Variants in IL1RAPL1 observed in about 807,000 individuals in gnomAD.
IL1RAPL1 encodes the protein interleukin 1 receptor accessory protein like 1, also known as interleukin-1 receptor accessory protein-like 1.
In IL1RAPL1, 3 loss-of-function variants were observed where a neutral mutation model predicts 48.4. The observed-to-expected ratio is 0.06, with a 90% CI of 0.03 to 0.16. The LOEUF (loss-of-function observed/expected upper bound fraction) is 0.16, where lower values mean the gene tolerates loss of function less well. IL1RAPL1 is among the 10% of genes least tolerant of loss of function. IL1RAPL1 has a pLI of 1.00. For missense variants in IL1RAPL1, 349 were observed against 530.6 expected (o/e 0.66, Z 3.36); for synonymous variants, 185 against 187.7 (o/e 0.99, Z 0.12).
At chrX:29,545,884 T>C (rs1354004231) in intron 5 of IL1RAPL1, among the ~76,000 whole-genome samples, 1 of 112,260 alleles carries the variant, frequency 8.9e-6, no homozygotes, top group Non-Finnish European at 1.9e-5. Flanking sequence ...TTAATGTTAC[T>C]TACAGGATAA....
chrX:28,893,177 G>A (rs1922817919), intron 2 of IL1RAPL1, among the ~76,000 whole-genome samples: 1 of 111,336 alleles, frequency 9.0e-6, no homozygotes, highest in African/African-American at 3.3e-5. Context: ...TGAGACTGGG[G>A]CCGAATAAAA....
chrX:28,856,257 C>T (rs1364754410), intron 2 of IL1RAPL1, among the ~76,000 whole-genome samples: 1 of 111,191 alleles, frequency 9.0e-6, no homozygotes, highest in African/African-American at 3.3e-5. Context: ...AGAGTTCTCC[C>T]GATAAACTTC....
At chrX:29,801,030 A>AC (rs1351442007) in intron 6 of IL1RAPL1, among the ~76,000 whole-genome samples, 461 of 13,953 alleles carry the variant, frequency 0.033, 31 homozygotes, top group South Asian at 0.12. Context: ...AAAAAAAAAA[A>AC]AAAACTCTCC....
At chrX:28,917,246 A>G (rs932796299) in intron 2 of IL1RAPL1, among the ~76,000 whole-genome samples, 5 of 111,900 alleles carry the variant, frequency 4.5e-5, no homozygotes, top group African/African-American at 1.6e-4. Flanking sequence ...TATCTTAAAA[A>G]AAGCTTCATA....
At chrX:29,232,475 A>C (rs2147558787) in intron 2 of IL1RAPL1, among the ~76,000 whole-genome samples, 1 of 112,327 alleles carries the variant, frequency 8.9e-6, no homozygotes, top group Admixed American at 9.5e-5. Context: ...ATACATTACT[A>C]TTTTTTATAT....
At chrX:29,029,880 A>G (rs983799126) in intron 2 of IL1RAPL1, among the ~76,000 whole-genome samples, 3 of 109,837 alleles carry the variant, frequency 2.7e-5, no homozygotes, top group African/African-American at 9.9e-5. Context: ...TGTCTTACAT[A>G]TCAATCTATG....
At chrX:29,688,816 C>CT (rs58920253) in intron 6 of IL1RAPL1, among the ~76,000 whole-genome samples, 37,658 of 94,984 alleles carry the variant, frequency 0.4, 5,963 homozygotes, top group South Asian at 0.5. Flanking sequence ...GCTTTGTGGT[C>CT]TTTTTTTTTT....
chrX:29,591,733 C>T (rs1923377892), intron 5 of IL1RAPL1, among the ~76,000 whole-genome samples: 1 of 112,551 alleles, frequency 8.9e-6, no homozygotes, highest in Admixed American at 9.4e-5. Context: ...TAAGGGTGAC[C>T]CTGTGCATCC....
intron 3 of IL1RAPL1, among the ~76,000 whole-genome samples, chrX:29,301,150 C>T (rs1363845141): frequency 5.4e-5 from 6 of 111,766 alleles, no homozygotes; most frequent in Non-Finnish European, 1.1e-4. Context: ...GTTTGTGGCT[C>T]TCCTGGTCTG....
chrX:28,671,625 C>T (rs891071478), intron 1 of IL1RAPL1, among the ~76,000 whole-genome samples: 1 of 111,846 alleles, frequency 8.9e-6, no homozygotes, highest in Non-Finnish European at 1.9e-5. Flanking sequence ...TTATTTTGGC[C>T]GGAGAGATTA....
At chrX:29,217,344 G>C (rs1202417551) in intron 2 of IL1RAPL1, among the ~76,000 whole-genome samples, 1 of 112,194 alleles carries the variant, frequency 8.9e-6, no homozygotes, top group African/African-American at 3.2e-5. Flanking sequence ...AATTCAAAAA[G>C]CCATTGTTAA....
chrX:28,961,459 C>T (rs183706104), intron 2 of IL1RAPL1, among the ~76,000 whole-genome samples: 231 of 111,120 alleles, frequency 2.1e-3, no homozygotes, highest in Non-Finnish European at 3.5e-3. Context: ...TTTTAAGCCC[C>T]GCATGCATTA....
chrX:29,574,706 A>G (rs1270761968), intron 5 of IL1RAPL1, among the ~76,000 whole-genome samples: 2 of 111,733 alleles, frequency 1.8e-5, no homozygotes, highest in Non-Finnish European at 3.8e-5. Context: ...CAACTTCTCC[A>G]AACTTTTACC....
chrX:29,128,871 T>G (rs1928954451), intron 2 of IL1RAPL1, among the ~76,000 whole-genome samples: 1 of 111,098 alleles, frequency 9.0e-6, no homozygotes, highest in African/African-American at 3.3e-5. Flanking sequence ...TGAACAATAA[T>G]GTTTAGTTTT....
chrX:28,794,687 C>A (rs1006787101), intron 2 of IL1RAPL1, among the ~76,000 whole-genome samples: 1 of 111,738 alleles, frequency 8.9e-6, no homozygotes, highest in Admixed American at 9.5e-5. Context: ...TTCTAGACAG[C>A]AAGAGGAAGG....
At chrX:28,819,967 GATATATATATATATATATATAT>G (rs764635166) in intron 2 of IL1RAPL1, among the ~76,000 whole-genome samples, 52 of 26,748 alleles carry the variant, frequency 1.9e-3, no homozygotes, top group East Asian at 0.011. Context: ...TAAACATAGT[GATATATATATATATATATATAT>G]ATATATATAT....
At chrX:28,616,551 A>C (rs1051473985) in intron 1 of IL1RAPL1, among the ~76,000 whole-genome samples, 1 of 109,513 alleles carries the variant, frequency 9.1e-6, no homozygotes, top group Non-Finnish European at 1.9e-5. Context: ...CTCCTGCCTC[A>C]GCCTCCCAAG....
chrX:28,853,497 A>G (rs6630782), intron 2 of IL1RAPL1, among the ~76,000 whole-genome samples: 3,512 of 103,292 alleles, frequency 0.034, 86 homozygotes, highest in African/African-American at 0.1. Flanking sequence ...GCGCGCGCAC[A>G]CACACACACA....
chrX:28,725,387 A>G lies in IL1RAPL1; in HGVS notation c.-24-63933A>G, dbSNP rs141727063. On this transcript the variant is annotated intron_variant, in intron 1 of 10. Transcript: ENST00000378993. ...TTTGACAAGAAAGGATAATTGCTGT[A>G]TATCTTTCTTATTGAGTATAATTTT... Among the ~76,000 whole-genome samples the G allele has an allele frequency of 3.5e-3, 397 of 112,285 alleles. 2 individuals carry two copies. Among genetic ancestry groups the G allele is most frequent in the African/African-American group, 0.012 (379 of 30,946 alleles).
Sources: gnomAD v4.1 joint callset for allele counts (sites outside exome capture counted in the v4.1 genomes callset) on GRCh38, gnomAD v4.1.1 for gene constraint, MANE v1.5 for transcripts, NCBI Gene and HGNC (gene_info 2026-07-23, HGNC 2026-07-21) for gene names.